Variants in NEK10 observed in about 807,000 individuals in gnomAD.
NEK10 encodes the protein serine/threonine-protein kinase Nek10.
In NEK10, 122 loss-of-function variants were observed where a neutral mutation model predicts 159.8. That is an observed-to-expected ratio of 0.76 (90% confidence interval 0.66 to 0.89). The LOEUF is 0.89. NEK10 is among the 40% of genes least tolerant of loss of function. The pLI is 0.00. For synonymous variants in NEK10, 466 were observed against 457.1 expected (o/e 1.02, Z -0.25); for missense variants, 1,342 against 1,323.1 (o/e 1.01, Z -0.22).
At chr3:27,141,626 A>C in intron 30 of NEK10, 44 bp from the exon 31 acceptor site, 1 of 1,428,058 alleles carries the variant, frequency 7.0e-7, no homozygotes, top group Non-Finnish European at 9.8e-7. Flanking sequence ...CTCTTTCAAA[A>C]GTTACATTAG....
rs181123218 is a variant in NEK10, at chr3:27,222,716, A to T, written c.2091-20159T>A. Among the ~76,000 whole-genome samples the T allele has an allele frequency of 2.0e-3, 307 of 152,276 alleles. 2 individuals are homozygous for T. The highest frequency in any genetic ancestry group is 7.0e-3 in the African/African-American group (290 of 41,580). On this transcript the variant is annotated intron_variant, in intron 23 of 35. Coordinates refer to ENST00000691995, the MANE Select transcript of NEK10 (RefSeq NM_001394966.1). Reference sequence around the variant, plus strand: ...AGCTATAAAAATATATTTTGGTTAAACTGTAATATATGGCTTAAAAATTGA... The same window carrying T: ...AGCTATAAAAATATATTTTGGTTAATCTGTAATATATGGCTTAAAAATTGA...
chr3:27,204,644 A>AT lies in NEK10; in HGVS notation c.2091-2088dup, dbSNP rs1287480709. 3.6e-4 allele frequency among the ~76,000 whole-genome samples: 41 copies of AT among 114,740 alleles called. No homozygotes were observed. In the East Asian group the frequency reaches 8.6e-3, roughly 24 times the overall value. The allele number at this position is 114,740 out of a possible 152,430, so 75.3% of individuals were successfully genotyped here. A position where few individuals can be genotyped will look rare whatever the true frequency, so the allele number is the denominator to read the frequency against. ...TCCCTACAAAGGACATGAACTCATCATTTTTTATGGCTGCATAGTATTCCA... is the reference window on the plus strand; with the variant it reads ...TCCCTACAAAGGACATGAACTCATCATTTTTTTATGGCTGCATAGTATTCCA... On this transcript the variant is annotated intron_variant, in intron 23 of 35. Transcript: ENST00000691995.
chr3:27,331,237 C>CAAAAAAAAAAAACA (rs397972389), intron 5 of NEK10, among the ~76,000 whole-genome samples: 3,312 of 29,552 alleles, frequency 0.11, 308 homozygotes, highest in East Asian at 0.24. Context: ...GACTCTGTCT[C>CAAAAAAAAAAAACA]AAAAAAAAAA....
intron 23 of NEK10, among the ~76,000 whole-genome samples, chr3:27,224,853 A>G (rs1354766446): frequency 6.6e-6 from 1 of 152,204 alleles, no homozygotes; most frequent in Non-Finnish European, 1.5e-5. Flanking sequence ...ATTATATTAG[A>G]CAATATCTGA....
intron 2 of NEK10, 72 bp downstream of exon 2, chr3:27,352,740 C>A: frequency 1.9e-6 from 2 of 1,077,830 alleles, no homozygotes; most frequent in South Asian, 1.3e-5. Flanking sequence ...CTCTATTTCT[C>A]AAAAAGCCAT....
intron 14 of NEK10, 53 bp from the exon 15 acceptor site, chr3:27,295,743 A>C: frequency 1.3e-6 from 2 of 1,487,994 alleles, no homozygotes; most frequent in Non-Finnish European, 1.8e-6. Context: ...GTGATACACA[A>C]GCAAAAAGAG....
intron 22 of NEK10, among the ~76,000 whole-genome samples, chr3:27,283,160 C>T (rs1415725099): frequency 6.6e-6 from 1 of 152,024 alleles, no homozygotes; most frequent in Non-Finnish European, 1.5e-5. Context: ...GTTGTTATAG[C>T]AAATGTGTAC....
intron 19 of NEK10, 123 bp from the exon 20 acceptor site, chr3:27,287,866 A>C: frequency 9.3e-7 from 1 of 1,070,832 alleles, no homozygotes; most frequent in Non-Finnish European, 1.2e-6. Context: ...TACAAAACTA[A>C]GCATTTCAAG....
chr3:27,150,156 C>T (rs534294449), intron 30 of NEK10, among the ~76,000 whole-genome samples: 1 of 152,246 alleles, frequency 6.6e-6, no homozygotes, highest in African/African-American at 2.4e-5. Context: ...GGAGAGAAGC[C>T]ATTTCCATAA....
chr3:27,227,540 C>T lies in NEK10; in HGVS notation c.2091-24983G>A, dbSNP rs886484117. ...CATATTGACTTCCCATTTCACGGAC[C>T]TCCTGCAGCCCCTTCAACTCCTGTG... On this transcript the variant is annotated intron_variant, in intron 23 of 35. Coordinates refer to ENST00000691995, the MANE Select transcript of NEK10 (RefSeq NM_001394966.1). 2.0e-5 allele frequency among the ~76,000 whole-genome samples: 3 copies of T among 152,292 alleles called. No homozygotes were observed. In the East Asian group the frequency reaches 5.8e-4, roughly 29 times the overall value.
chr3:27,269,811 CA>C (rs1231409811), intron 22 of NEK10, among the ~76,000 whole-genome samples: 1 of 152,160 alleles, frequency 6.6e-6, no homozygotes, highest in Non-Finnish European at 1.5e-5. Context: ...AGTTAAAAAT[CA>C]TTTTAATACA....
At chr3:27,286,079 CTTTTTT>C (rs35663067) in intron 20 of NEK10, among the ~76,000 whole-genome samples, 1 of 57,708 alleles carries the variant, frequency 1.7e-5, no homozygotes, top group East Asian at 4.9e-4. Flanking sequence ...ATTTCCAATT[CTTTTTT>C]TTTTTTTTTT....
chr3:27,227,564 T>A (rs1952766524), intron 23 of NEK10, among the ~76,000 whole-genome samples: 1 of 152,178 alleles, frequency 6.6e-6, no homozygotes, highest in Admixed American at 6.5e-5. Context: ...TCAACTCCTG[T>A]GACCTTCCCA....
At chr3:27,264,607 A>T (rs1023648278) in intron 22 of NEK10, among the ~76,000 whole-genome samples, 2 of 152,140 alleles carry the variant, frequency 1.3e-5, no homozygotes, top group African/African-American at 4.8e-5. Flanking sequence ...ATAAAAATTA[A>T]TTGGCCAAGC....
At chr3:27,136,398 C>G (rs532861488) in intron 31 of NEK10, among the ~76,000 whole-genome samples, 45 of 152,228 alleles carry the variant, frequency 3.0e-4, no homozygotes, top group African/African-American at 1.1e-3. Flanking sequence ...AGGCGTGAGC[C>G]ACCGCGCCCG....
At chr3:27,235,103 CA>C (rs1376404971) in intron 23 of NEK10, among the ~76,000 whole-genome samples, 19 of 152,158 alleles carry the variant, frequency 1.2e-4, no homozygotes, top group African/African-American at 4.3e-4. Context: ...ATACCACACA[CA>C]AAAATCAACT....
chr3:27,329,380 ATAGGAAAATT>A (rs1420966834), intron 5 of NEK10, among the ~76,000 whole-genome samples: 1 of 152,152 alleles, frequency 6.6e-6, no homozygotes, highest in Non-Finnish European at 1.5e-5. Context: ...AGCTAAGTGG[ATAGGAAAATT>A]TAGGAAAGGC....
chr3:27,289,232 C>T (rs1015195096), intron 19 of NEK10, among the ~76,000 whole-genome samples: 1 of 152,226 alleles, frequency 6.6e-6, no homozygotes, highest in African/African-American at 2.4e-5. Flanking sequence ...TGGGATTGTT[C>T]CGTGAAAGAG....
chr3:27,137,060 A>G (rs1485164167), intron 31 of NEK10, among the ~76,000 whole-genome samples: 1 of 152,244 alleles, frequency 6.6e-6, no homozygotes, highest in Non-Finnish European at 1.5e-5. Context: ...TATAATATTT[A>G]CATGTATTTT....
Sources: allele counts gnomAD v4.1 joint callset (sites outside exome capture counted in the v4.1 genomes callset), GRCh38; gene constraint gnomAD v4.1.1; transcripts MANE v1.5; gene names NCBI Gene and HGNC (gene_info 2026-07-23, HGNC 2026-07-21).